The following GAB2 variants were observed in gnomAD, a reference collection of about 807,000 sequenced individuals.
The protein encoded by GAB2 is GRB2 associated binding protein 2.
Under a neutral mutation model 65.5 loss-of-function variants are expected in GAB2, and 26 were observed. The ratio of observed to expected loss-of-function variants is 0.40; its 90% CI spans 0.29 to 0.55. GAB2 has a LOEUF of 0.55. Ranked by LOEUF, GAB2 falls within the 20% of genes least tolerant of loss-of-function variation. The pLI is 0.53. For missense variants in GAB2, 884 were observed against 875.8 expected, an observed-to-expected ratio of 1.01 and a Z score of -0.12; for synonymous variants, 321 against 329.6, an observed-to-expected ratio of 0.97 and a Z score of 0.28.
rs147827667 is a variant in GAB2, at chr11:78,403,891, T to C, written c.75+13755A>G. Among the ~76,000 whole-genome samples the C allele has an allele frequency of 4.7e-3, 709 of 152,248 alleles. 5 individuals are homozygous for C. Among genetic ancestry groups the C allele is most frequent in the African/African-American group, 0.017 (687 of 41,548 alleles). ...ATAAGGAGCTCAAAGTCATATATGC[T>C]GGCATTCAGTTCTTTTTTTTTGTAA... is the stretch of plus-strand genomic sequence containing the variant. On this transcript the variant is annotated intron_variant, in intron 1 of 9. Transcript: ENST00000361507.
At position 78,219,151 on chromosome 11, in the gene GAB2, A is replaced by G; in HGVS notation, c.*121T>C. On this transcript the variant is annotated 3_prime_UTR_variant, in exon 10 of 10. Transcript: ENST00000361507. ...GGGTCCCTGATGTCAAGTGCTTTGA[A>G]GGCTGAGACTGGCAGAGTAGAGAGG... 1 of 952,042 alleles carries G rather than the reference A, an allele frequency of 1.1e-6. No individual in the cohort carries two copies. The highest frequency in any genetic ancestry group is 1.6e-5 in the South Asian group (1 of 63,154). The allele number at this position is 952,042 out of a possible 1,614,324, so 59.0% of individuals were successfully genotyped here.
intron 1 of GAB2, among the ~76,000 whole-genome samples, chr11:78,292,345 T>C (rs574025793): frequency 1.5e-3 from 221 of 152,326 alleles, no homozygotes; most frequent in Non-Finnish European, 1.6e-3. Flanking sequence ...ACAAGGCACG[T>C]GAGATTTGGT....
At position 78,253,519 on chromosome 11, in the gene GAB2, T is replaced by A. The variant is rs1014251707; in HGVS notation, c.377-3119A>T. Among the ~76,000 whole-genome samples the A allele has an allele frequency of 3.3e-5, 5 of 152,186 alleles. No individual in the cohort carries two copies. The South Asian group carries it at 1.0e-3, about 32-fold the overall frequency. ...ATGTTGCCCAGGCTAGTCTTGAACTTCTGGCCTTAATCAATCCTCCTGCCT... is the reference window on the plus strand; with the variant it reads ...ATGTTGCCCAGGCTAGTCTTGAACTACTGGCCTTAATCAATCCTCCTGCCT... On this transcript the variant is annotated intron_variant, in intron 2 of 9. Coordinates refer to ENST00000361507, the MANE Select transcript of GAB2 (RefSeq NM_080491.3).
chr11:78,220,416 G>A lies in GAB2; in HGVS notation c.1790C>T (p.Pro597Leu). 6.3e-7 allele frequency: 1 copy of A among 1,590,382 alleles called. No individual in the cohort carries two copies. The highest frequency in any genetic ancestry group is 8.6e-7 in the Non-Finnish European group (1 of 1,162,214). Residue 597 changes from proline (P) to leucine (L), a missense_variant, in exon 9 of 10, where the codon CCC becomes CTC. By Grantham distance (98) the Pro-to-Leu change is moderately conservative. Coordinates refer to ENST00000361507, the MANE Select transcript of GAB2 (RefSeq NM_080491.3). ...AGGGGCAGGACTGTTCGTGCCACTG[G>A]GAACGGGAGATGCAGACACTGGGTT... is the stretch of plus-strand genomic sequence containing the variant. ...MQNPVSASPV[P>L]SGTNSPAPKK... is the part of the protein sequence containing the mutation.
At chr11:78,417,550 A>G in intron 1 of GAB2, 96 bp downstream of exon 1, 1 of 382,074 alleles carries the variant, frequency 2.6e-6, no homozygotes, top group Non-Finnish European at 3.6e-6. Context: ...TCCGGGCCCG[A>G]GCTCCCCAGC....
intron 3 of GAB2, among the ~76,000 whole-genome samples, chr11:78,231,336 G>GGTGT (rs58651538): frequency 0.15 from 21,515 of 145,766 alleles, 1,961 homozygotes; most frequent in Non-Finnish European, 0.21. Context: ...GCGCGTGTGT[G>GGTGT]GTGTGTGTGT....
intron 1 of GAB2, among the ~76,000 whole-genome samples, chr11:78,358,288 C>T (rs1856387194): frequency 1.0e-5 from 1 of 98,932 alleles, no homozygotes; most frequent in Non-Finnish European, 1.9e-5. Flanking sequence ...CACACCGGGG[C>T]CTGTTGTGGG....
intron 8 of GAB2, 52 bp downstream of exon 8, chr11:78,221,625 G>A: frequency 9.2e-7 from 1 of 1,089,782 alleles, no homozygotes; most frequent in East Asian, 2.4e-5. Context: ...ACTGAGGGGT[G>A]GGTCCCAGGG....
At chr11:78,391,406 G>C (rs1222264804) in intron 1 of GAB2, among the ~76,000 whole-genome samples, 1 of 152,216 alleles carries the variant, frequency 6.6e-6, no homozygotes, top group Non-Finnish European at 1.5e-5. Context: ...GAGTGGACTT[G>C]TGACTCCTTC....
intron 2 of GAB2, among the ~76,000 whole-genome samples, chr11:78,255,980 G>A (rs1272664200): frequency 6.6e-6 from 1 of 152,172 alleles, no homozygotes; most frequent in Non-Finnish European, 1.5e-5. Flanking sequence ...TTGACCTGGA[G>A]CAAATCACTT....
chr11:78,243,035 G>A (rs914849399), intron 3 of GAB2, among the ~76,000 whole-genome samples: 3 of 151,972 alleles, frequency 2.0e-5, no homozygotes, highest in South Asian at 2.1e-4. Context: ...GGTGGCACAC[G>A]CCTGTAATCC....
intron 1 of GAB2, among the ~76,000 whole-genome samples, chr11:78,394,574 G>A (rs1856872150): frequency 6.6e-6 from 1 of 152,206 alleles, no homozygotes. Context: ...GTAATGTCTT[G>A]TGAATATCTG....
chr11:78,342,769 G>C (rs1327942317), intron 1 of GAB2, among the ~76,000 whole-genome samples: 1 of 152,024 alleles, frequency 6.6e-6, no homozygotes, highest in African/African-American at 2.4e-5. Flanking sequence ...TTGTAAATTG[G>C]TTTTGAGGCC....
At chr11:78,247,594 T>C (rs745705185) in intron 3 of GAB2, among the ~76,000 whole-genome samples, 2 of 152,240 alleles carry the variant, frequency 1.3e-5, no homozygotes, top group African/African-American at 2.4e-5. Context: ...CGATATATTA[T>C]TGGAACATCA....
At chr11:78,385,011 T>G (rs1449011117) in intron 1 of GAB2, among the ~76,000 whole-genome samples, 1 of 152,222 alleles carries the variant, frequency 6.6e-6, no homozygotes, top group Non-Finnish European at 1.5e-5. Flanking sequence ...AGGATATCTA[T>G]GAGACTGCCA....
chr11:78,396,684 G>A (rs965156920), intron 1 of GAB2, among the ~76,000 whole-genome samples: 3 of 152,002 alleles, frequency 2.0e-5, no homozygotes, highest in East Asian at 1.9e-4. Context: ...CGCAACCTCC[G>A]CCTCCCGGGT....
At chr11:78,410,686 ACTT>A (rs1331521223) in intron 1 of GAB2, among the ~76,000 whole-genome samples, 1 of 152,192 alleles carries the variant, frequency 6.6e-6, no homozygotes, top group Non-Finnish European at 1.5e-5. Context: ...AAAAATGTAA[ACTT>A]CTATAATTCA....
intron 1 of GAB2, among the ~76,000 whole-genome samples, chr11:78,380,213 C>T (rs1591076106): frequency 1.3e-5 from 2 of 148,734 alleles, no homozygotes; most frequent in East Asian, 2.0e-4. Context: ...TGAATGAGAA[C>T]TTTTTTTTTT....
chr11:78,238,593 A>G (rs1196924370), intron 3 of GAB2, among the ~76,000 whole-genome samples: 3 of 152,100 alleles, frequency 2.0e-5, no homozygotes, highest in African/African-American at 7.2e-5. Flanking sequence ...ACAAGAACAA[A>G]GTTCTTGGAC....
Sources: gnomAD v4.1 joint callset for allele counts (sites outside exome capture counted in the v4.1 genomes callset) on GRCh38, gnomAD v4.1.1 for gene constraint, MANE v1.5 for transcripts, NCBI Gene and HGNC (gene_info 2026-07-23, HGNC 2026-07-21) for gene names.